The following WHRN variants were observed in gnomAD, a reference collection of about 807,000 sequenced individuals.
WHRN encodes whirlin, also known as CASK-interacting protein CIP98.
A neutral mutation model predicts 68.3 loss-of-function variants in WHRN; 41 were observed. That is an observed-to-expected ratio of 0.60 (90% CI 0.47 to 0.78). WHRN has a LOEUF of 0.78. WHRN is among the 30% of genes least tolerant of loss of function. WHRN has a pLI of 0.00. For missense variants in WHRN, 1,243 were observed against 1,244.7 expected (o/e 1.00, Z 0.02); for synonymous variants, 560 against 561.3 (o/e 1.00, Z 0.03).
chr9:114,402,818 G>C lies in WHRN; in HGVS notation c.2660C>G (p.Ala887Gly), dbSNP rs771784943. The change falls in exon 12 of 12, where the codon GCC becomes GGC. Residue 887 changes from alanine to glycine, a missense_variant. Coordinates refer to ENST00000362057, the MANE Select transcript of WHRN (RefSeq NM_015404.4). The part of the protein sequence containing the change: ...HREAARIIAE[A>G]FKTKDRDYID... ...GTAGTCACGGTCCTTAGTCTTGAAG[G>C]CCTCGGCGATAATGCGGGCGGCCTC... is the stretch of plus-strand genomic sequence containing the variant. 1.9e-6 allele frequency: 3 copies of C among 1,614,110 alleles called. No individual in the cohort carries two copies. Among genetic ancestry groups the C allele is most frequent in the Admixed American group, 3.3e-5 (2 of 60,028 alleles).
At chr9:114,488,825 G>C (rs1842742472) in intron 1 of WHRN, among the ~76,000 whole-genome samples, 1 of 152,278 alleles carries the variant, frequency 6.6e-6, no homozygotes, top group Admixed American at 6.5e-5. Context: ...ACCTCTTACA[G>C]GGACCACTAA....
At chr9:114,463,814 GA>G (rs1257331123) in intron 3 of WHRN, among the ~76,000 whole-genome samples, 1 of 152,190 alleles carries the variant, frequency 6.6e-6, no homozygotes, top group Non-Finnish European at 1.5e-5. Context: ...ACACATTTCA[GA>G]ATCAACTAGA....
intron 7 of WHRN, among the ~76,000 whole-genome samples, chr9:114,422,686 T>G (rs1418839834): frequency 6.6e-6 from 1 of 151,996 alleles, no homozygotes; most frequent in Non-Finnish European, 1.5e-5. Flanking sequence ...AATACAAAAA[T>G]TAGCTGGTTA....
intron 1 of WHRN, 141 bp from the exon 2 acceptor site, chr9:114,478,912 T>C: frequency 1.3e-6 from 1 of 789,694 alleles, no homozygotes; most frequent in Non-Finnish European, 2.1e-6. Flanking sequence ...TTTCCTTCTC[T>C]AGCCCTCGAT....
At chr9:114,411,466 G>A (rs1180083212) in intron 7 of WHRN, among the ~76,000 whole-genome samples, 5 of 152,196 alleles carry the variant, frequency 3.3e-5, no homozygotes, top group Non-Finnish European at 7.3e-5. Flanking sequence ...TGATCCTGGG[G>A]GAAGCTGGGG....
intron 3 of WHRN, among the ~76,000 whole-genome samples, chr9:114,448,476 T>C (rs1183611670): frequency 6.6e-6 from 1 of 152,110 alleles, no homozygotes; most frequent in African/African-American, 2.4e-5. Flanking sequence ...GACACTCACA[T>C]AGAAAGAAGG....
rs546535411 is a variant in WHRN, at chr9:114,454,730, T to C, written c.963+11537A>G. On this transcript the variant is annotated intron_variant, in intron 3 of 11. Transcript: ENST00000362057. ...TACAAGCTGATTCTAATTTTTTTTA[T>C]GGAAATACAGAGAAACCAGAGGAGC... is the stretch of plus-strand genomic sequence containing the variant. 1.2e-3 allele frequency among the ~76,000 whole-genome samples: 175 copies of C among 152,154 alleles called. 1 individual carries two copies. Among genetic ancestry groups the C allele is most frequent in the Admixed American group, 6.1e-3 (93 of 15,282 alleles).
chr9:114,482,486 C>T, intron 1 of WHRN, among the ~76,000 whole-genome samples: 1 of 152,252 alleles, frequency 6.6e-6, no homozygotes, highest in Non-Finnish European at 1.5e-5. Flanking sequence ...TGCAAAGCAG[C>T]ATGTGTGAAC....
intron 3 of WHRN, among the ~76,000 whole-genome samples, chr9:114,450,853 C>T (rs1839266457): frequency 6.6e-6 from 1 of 150,440 alleles, no homozygotes; most frequent in East Asian, 2.0e-4. Context: ...ATACTTTCTG[C>T]TGAGATACAG....
rs145466116 is a variant in WHRN at position 114,466,346 on chromosome 9, C to A, written c.884G>T (p.Arg295Leu). Reference sequence around the variant, plus strand: ...GCCAAGGCCGTACTCAGCTCCCCCACGGATCGTGAGGCCCAGGGACCGGCC... The same window carrying A: ...GCCAAGGCCGTACTCAGCTCCCCCAAGGATCGTGAGGCCCAGGGACCGGCC... ...GDGRSLGLTI[R>L]GGAEYGLGIY... Residue 295 changes from arginine (R) to leucine (L), a missense_variant, in exon 3 of 12, where the codon CGT becomes CTT. Arg to Leu is a moderately radical substitution (Grantham distance 102, BLOSUM62 -2). Transcript: ENST00000362057. The A allele has an allele frequency of 6.2e-7, 1 of 1,614,012 alleles. No homozygotes were observed. Among genetic ancestry groups the A allele is most frequent in the Non-Finnish European group, 8.5e-7 (1 of 1,180,048 alleles).
At chr9:114,412,290 C>T (rs1589077826) in intron 7 of WHRN, among the ~76,000 whole-genome samples, 1 of 152,192 alleles carries the variant, frequency 6.6e-6, no homozygotes, top group Non-Finnish European at 1.5e-5. Flanking sequence ...GAACAGGCTT[C>T]CAGAGGAGGC....
intron 9 of WHRN, among the ~76,000 whole-genome samples, chr9:114,405,914 C>A (rs1014513909): frequency 1.3e-5 from 2 of 152,260 alleles, no homozygotes; most frequent in Admixed American, 1.3e-4. Context: ...ATTCTTCCTG[C>A]ACCCTGACCC....
At chr9:114,407,819 C>T (rs1247210243) in intron 8 of WHRN, 128 bp downstream of exon 8, 1 of 767,996 alleles carries the variant, frequency 1.3e-6, no homozygotes, top group Admixed American at 2.0e-5. Context: ...TGTGAGAGCT[C>T]ATGGCAGAGG....
At chr9:114,458,936 G>A (rs749519195) in intron 3 of WHRN, among the ~76,000 whole-genome samples, 7 of 152,134 alleles carry the variant, frequency 4.6e-5, no homozygotes. Context: ...TCCGTGGTAG[G>A]TGCCATACCA....
chr9:114,459,400 T>G (rs530364282), intron 3 of WHRN, among the ~76,000 whole-genome samples: 2 of 152,118 alleles, frequency 1.3e-5, no homozygotes, highest in South Asian at 2.1e-4. Context: ...GGGGTGGAGA[T>G]TGCAGTGAGC....
intron 3 of WHRN, among the ~76,000 whole-genome samples, chr9:114,453,558 T>C (rs1293934512): frequency 6.6e-6 from 1 of 152,228 alleles, no homozygotes; most frequent in Admixed American, 6.5e-5. Flanking sequence ...TGTCTTAATA[T>C]TTATATAATT....
chr9:114,471,087 T>C (rs868379681), intron 2 of WHRN, among the ~76,000 whole-genome samples: 4 of 152,204 alleles, frequency 2.6e-5, no homozygotes, highest in Non-Finnish European at 5.9e-5. Context: ...AATCTGCCTC[T>C]ATCACTTGCT....
At position 114,405,939 on chromosome 9, in the gene WHRN, G is replaced by T. The variant is rs539457104; in HGVS notation, c.2236+416C>A. On this transcript the variant is annotated intron_variant, in intron 9 of 11. Coordinates refer to ENST00000362057, the MANE Select transcript of WHRN (RefSeq NM_015404.4). ...CACCCTGACCCTAGACCTGCCAGGGGTCCAGAGACTGCCACTTCAGTTTCC... is the reference window on the plus strand; with the variant it reads ...CACCCTGACCCTAGACCTGCCAGGGTTCCAGAGACTGCCACTTCAGTTTCC... Among the ~76,000 whole-genome samples the T allele has an allele frequency of 7.2e-5, 11 of 152,336 alleles. No homozygotes were observed. The East Asian group carries it at 2.1e-3, about 29-fold the overall frequency.
chr9:114,422,481 G>A (rs559434752), intron 7 of WHRN, among the ~76,000 whole-genome samples: 84 of 152,290 alleles, frequency 5.5e-4, no homozygotes, highest in Non-Finnish European at 6.5e-4. Context: ...CATCCAGGGG[G>A]CAGAACCATA....
Sources: gnomAD v4.1 joint callset for allele counts (sites outside exome capture counted in the v4.1 genomes callset) on GRCh38, gnomAD v4.1.1 for gene constraint, MANE v1.5 for transcripts, NCBI Gene and HGNC (gene_info 2026-07-23, HGNC 2026-07-21) for gene names.